Variants in COPG2 observed in about 807,000 individuals in gnomAD.
The protein encoded by COPG2 is coat protein complex I subunit gamma 2, also known as coatomer subunit gamma-2.
In COPG2, 37 loss-of-function variants were observed where a neutral mutation model predicts 46.3. The observed-to-expected ratio is 0.80, with a 90% confidence interval of 0.61 to 1.05. COPG2 has a LOEUF of 1.05. Ranked by LOEUF, COPG2 falls within the 50% of genes least tolerant of loss-of-function variation. COPG2 has a pLI of 0.00. For missense variants in COPG2, 427 were observed against 387.8 expected, an observed-to-expected ratio of 1.10 and a Z score of -0.85; for synonymous variants, 159 against 129.7, an observed-to-expected ratio of 1.23 and a Z score of -1.53.
chr7:130,582,683 C>T (rs1459654549), intron 9 of COPG2, among the ~76,000 whole-genome samples: 1 of 149,708 alleles, frequency 6.7e-6, no homozygotes, highest in Non-Finnish European at 1.5e-5. Flanking sequence ...AAAAAGTGGG[C>T]GAAGGACATG....
chr7:130,564,352 C>T lies in COPG2; in HGVS notation c.779G>A (p.Arg260Gln), dbSNP rs1793767926. ...ATAAATAACCATTTCATGTTTATTT[C>T]GCAAGCAGCTCTCAATGAAATCAAA... ...PLFDFIESCL[R>Q]NKHEMVIYEA... The change falls in exon 10 of 24, where the codon CGA (arginine) becomes CAA (glutamine). Residue 260 changes from arginine (R) to glutamine (Q), a missense_variant. Coordinates refer to ENST00000425248, the MANE Select transcript of COPG2 (RefSeq NM_012133.6). 2.0e-5 allele frequency: 8 copies of T among 398,432 alleles called. No homozygotes were observed. The highest frequency in any genetic ancestry group is 2.7e-5 in the Non-Finnish European group (6 of 226,052). The allele number at this position is 398,432 out of a possible 1,614,324, so 24.7% of individuals were successfully genotyped here. A position where few individuals can be genotyped will look rare whatever the true frequency, so the allele number is the denominator to read the frequency against.
In COPG2 at chr7:130,549,351, T is replaced by C; in HGVS notation, c.1800A>G (p.Pro600=). 2.5e-6 allele frequency: 1 copy of C among 398,636 alleles called. No homozygotes were observed. Among genetic ancestry groups the C allele is most frequent in the Non-Finnish European group, 4.4e-6 (1 of 226,062 alleles). The allele number at this position is 398,636 out of a possible 1,614,324, so 24.7% of individuals were successfully genotyped here. ...KAEITLVATK[P]EKLAPSRQDI... is the part of the protein sequence containing the mutation. ...CTTGCCTGGAAGGAGCCAACTTCTCTGGCTTAGTAGCCACAAGTGTGATTT... is the reference window on the plus strand; with the variant it reads ...CTTGCCTGGAAGGAGCCAACTTCTCCGGCTTAGTAGCCACAAGTGTGATTT... Residue 600 remains proline, a synonymous_variant, in exon 18 of 24, where the codon CCA becomes CCG. Coordinates refer to ENST00000425248, the MANE Select transcript of COPG2 (RefSeq NM_012133.6).
At chr7:130,591,663 G>C (rs367885536) in intron 9 of COPG2, among the ~76,000 whole-genome samples, 123 of 145,904 alleles carry the variant, frequency 8.4e-4, no homozygotes, top group African/African-American at 2.8e-3. Flanking sequence ...GCCTCTGCCC[G>C]GCCGCCCCTA....
At chr7:130,547,549 CACAA>C (rs1563040946) in intron 20 of COPG2, 121 bp downstream of exon 20, 3 of 397,378 alleles carry the variant, frequency 7.5e-6, no homozygotes, top group South Asian at 1.4e-4. Context: ...AACACACACA[CACAA>C]ACACTCATCA....
At chr7:130,509,495 G>C (rs1266218747) in intron 20 of COPG2, among the ~76,000 whole-genome samples, 1 of 152,100 alleles carries the variant, frequency 6.6e-6, no homozygotes, top group Non-Finnish European at 1.5e-5. Context: ...GTTATTTGGG[G>C]GATAGGCAAG....
intron 20 of COPG2, chr7:130,509,691 T>C (rs782543069): frequency 1.9e-6 from 1 of 519,656 alleles, no homozygotes; most frequent in East Asian, 5.4e-5. Context: ...GATAAAAAGA[T>C]GACTGAGACA....
intron 9 of COPG2, among the ~76,000 whole-genome samples, chr7:130,583,469 A>G (rs1465634522): frequency 7.0e-6 from 1 of 142,280 alleles, no homozygotes; most frequent in Non-Finnish European, 1.5e-5. Flanking sequence ...CACAATGTGC[A>G]CATGTACCCT....
intron 4 of COPG2, among the ~76,000 whole-genome samples, chr7:130,655,945 T>A (rs1348231937): frequency 6.6e-6 from 1 of 152,212 alleles, no homozygotes. Context: ...TCTTTTTTTA[T>A]TAATTTCCAA....
chr7:130,588,419 G>A (rs1294598707), intron 9 of COPG2, among the ~76,000 whole-genome samples: 8 of 151,810 alleles, frequency 5.3e-5, no homozygotes, highest in Non-Finnish European at 1.0e-4. Context: ...ATGATAGACC[G>A]GATTAAGAAA....
intron 9 of COPG2, among the ~76,000 whole-genome samples, chr7:130,595,806 C>T (rs1006129698): frequency 3.3e-5 from 5 of 152,114 alleles, no homozygotes; most frequent in African/African-American, 9.7e-5. Context: ...TTTGGGGACC[C>T]CCCCCCTCCA....
intron 9 of COPG2, among the ~76,000 whole-genome samples, chr7:130,571,670 A>G (rs2116417647): frequency 6.6e-6 from 1 of 152,284 alleles, no homozygotes; most frequent in African/African-American, 2.4e-5. Context: ...TAGATCTACC[A>G]TTATCCAGCA....
At chr7:130,544,218 T>C (rs1793391754) in intron 20 of COPG2, among the ~76,000 whole-genome samples, 1 of 152,160 alleles carries the variant, frequency 6.6e-6, no homozygotes, top group Non-Finnish European at 1.5e-5. Context: ...AGTAAAAAAC[T>C]CTGAGGCAAA....
chr7:130,541,350 G>C (rs897752846), intron 20 of COPG2, among the ~76,000 whole-genome samples: 14 of 151,828 alleles, frequency 9.2e-5, no homozygotes, highest in Admixed American at 2.6e-4. Flanking sequence ...GGGAGGGAAG[G>C]TGCAAAGGGA....
chr7:130,654,675 TAA>T (rs1795813462), intron 4 of COPG2, among the ~76,000 whole-genome samples: 1 of 152,166 alleles, frequency 6.6e-6, no homozygotes, highest in South Asian at 2.1e-4. Context: ...TTGATTTTGA[TAA>T]GTCAAAAACC....
intron 20 of COPG2, among the ~76,000 whole-genome samples, chr7:130,536,896 G>A (rs1042903580): frequency 6.6e-6 from 1 of 152,038 alleles, no homozygotes; most frequent in Non-Finnish European, 1.5e-5. Flanking sequence ...GAGAGCAGGG[G>A]ATCTGTTGTC....
At chr7:130,592,676 A>G (rs1477082368) in intron 9 of COPG2, among the ~76,000 whole-genome samples, 1 of 152,210 alleles carries the variant, frequency 6.6e-6, no homozygotes, top group Non-Finnish European at 1.5e-5. Flanking sequence ...GGGAAGGCTG[A>G]TATTAAATAC....
At chr7:130,571,110 A>G (rs1793888926) in intron 9 of COPG2, among the ~76,000 whole-genome samples, 1 of 152,128 alleles carries the variant, frequency 6.6e-6, no homozygotes, top group Non-Finnish European at 1.5e-5. Flanking sequence ...GAACACTGGA[A>G]AAACCCTTCT....
At chr7:130,534,044 A>C (rs969177951) in intron 20 of COPG2, among the ~76,000 whole-genome samples, 2 of 151,952 alleles carry the variant, frequency 1.3e-5, no homozygotes, top group Non-Finnish European at 2.9e-5. Flanking sequence ...AAACAGGAAG[A>C]TGGAACAAAG....
chr7:130,613,876 A>C (rs1794901270), intron 6 of COPG2, among the ~76,000 whole-genome samples: 1 of 152,242 alleles, frequency 6.6e-6, no homozygotes, highest in South Asian at 2.1e-4. Flanking sequence ...ACTGTTCAAC[A>C]ATGAAATAAA....
Sources: gnomAD v4.1 joint callset for allele counts (sites outside exome capture counted in the v4.1 genomes callset) on GRCh38, gnomAD v4.1.1 for gene constraint, MANE v1.5 for transcripts, NCBI Gene and HGNC (gene_info 2026-07-23, HGNC 2026-07-21) for gene names.